The following ZNF415 variants were observed in gnomAD, a reference collection of about 807,000 sequenced individuals.
ZNF415 encodes zinc finger protein 415.
A neutral mutation model predicts 7.3 loss-of-function variants in ZNF415; 5 were observed. The ratio of observed to expected loss-of-function variants is 0.69; its 90% CI spans 0.36 to 1.44. The LOEUF is 1.44. Among genes scored for constraint, ZNF415 ranks in the 40% most tolerant of loss-of-function variants. The pLI is 0.04. For missense variants in ZNF415, 628 were observed against 664.8 expected (o/e 0.94, Z 0.61); for synonymous variants, 207 against 226.3 (o/e 0.91, Z 0.77).
At chr19:53,125,406 C>T (rs2088889394) in intron 1 of ZNF415, among the ~76,000 whole-genome samples, 1 of 151,400 alleles carries the variant, frequency 6.6e-6, no homozygotes, top group African/African-American at 2.4e-5. Context: ...GTGATGCTGG[C>T]TCAGTGCAGC....
At chr19:53,122,064 T>C (rs1048405527) in intron 2 of ZNF415, among the ~76,000 whole-genome samples, 1 of 151,504 alleles carries the variant, frequency 6.6e-6, no homozygotes, top group Non-Finnish European at 1.5e-5. Context: ...CTGACCAACA[T>C]AGAGAAACCC....
rs2085953396 is a variant in ZNF415, at chr19:53,109,728, T to C, written c.317A>G (p.Asn106Ser). 1.9e-6 allele frequency: 3 copies of C among 1,613,828 alleles called. No individual in the cohort carries two copies. The South Asian group carries it at 3.3e-5, about 18-fold the overall frequency. Residue 106 changes from asparagine (N) to serine (S), a missense_variant, in exon 4 of 4, where the codon AAT (asparagine) becomes AGT (serine). By Grantham distance (46) the Asn-to-Ser change is conservative. Transcript: ENST00000243643. ...TGGGGCCGTAGTCACTTTGTTGCAA[T>C]TTCTTTCATCATCTCTCCACTGACA... Reference protein sequence around the residue: ...FDCQWRDDERNCNKVTTAPKE... With the variant: ...FDCQWRDDERSCNKVTTAPKE...
Position 53,113,236 on chromosome 19 carries a change from C to T in ZNF415, c.136+3077G>A, listed in dbSNP as rs1395356973. ...TAAAAACCGAGGCATTGGCCGGGCG[C>T]GGTGGCTCACGCCTGTAATCCCAGC... On this transcript the variant is annotated intron_variant, in intron 3 of 3. Transcript: ENST00000243643. 9.1e-4 allele frequency among the ~76,000 whole-genome samples: 25 copies of T among 27,586 alleles called. 11 individuals are homozygous for T. Among genetic ancestry groups the T allele is most frequent in the Non-Finnish European group, 1.5e-3 (21 of 13,658 alleles). The allele number at this position is 27,586 out of a possible 152,430, so 18.1% of individuals were successfully genotyped here.
At chr19:53,116,611 CTCTTT>C (rs1180440546) in intron 2 of ZNF415, among the ~76,000 whole-genome samples, 178 bp from the exon 3 acceptor site, 24 of 131,338 alleles carry the variant, frequency 1.8e-4, no homozygotes, top group Admixed American at 3.7e-4. Context: ...TTTTTTTTCT[CTCTTT>C]TTTTTTTTTT....
At chr19:53,127,269 A>G (rs71363303) in intron 1 of ZNF415, among the ~76,000 whole-genome samples, 13,095 of 152,124 alleles carry the variant, frequency 0.086, 601 homozygotes, top group Middle Eastern at 0.17. Flanking sequence ...ACAAACTCCC[A>G]TGGGGTCTTG....
Position 53,108,928 on chromosome 19 carries a change from T to C in ZNF415, c.1117A>G (p.Thr373Ala), listed in dbSNP as rs1173334372. ...KVFSQTSSLA[T>A]HQRIHTGEKP... ...TCCCCAGTGTGAATTCTCTGATGAGTTGCAAGGCTTGAAGTCTGACTGAAC... is the reference window on the plus strand; with the variant it reads ...TCCCCAGTGTGAATTCTCTGATGAGCTGCAAGGCTTGAAGTCTGACTGAAC... The change falls in exon 4 of 4, where the codon ACT becomes GCT. Residue 373 changes from threonine to alanine, a missense_variant. Coordinates refer to ENST00000243643, the MANE Select transcript of ZNF415 (RefSeq NM_018355.4). 4 of 1,614,020 alleles carry C rather than the reference T, an allele frequency of 2.5e-6. No individual in the cohort carries two copies. Among genetic ancestry groups the C allele is most frequent in the East Asian group, 2.2e-5 (1 of 44,884 alleles).
In ZNF415 at chr19:53,109,889, TAC is replaced by T; in HGVS notation, c.154_155del (p.Val52AsnfsTer11). ...LVSLDLSRNC[V>X]IKELAPQQEG... ...CCTGTTGTGGTGCTAGTTCCTTGAT[TAC>T]ACAGTTACGAGACAGATCTATAAGA... On this transcript the variant is annotated frameshift_variant, in exon 4 of 4. Coordinates refer to ENST00000243643, the MANE Select transcript of ZNF415 (RefSeq NM_018355.4). LOFTEE classifies it low-confidence loss of function (END_TRUNC). 3 of 1,592,650 alleles carry T rather than the reference TAC, an allele frequency of 1.9e-6. No individual in the cohort carries two copies. The East Asian group carries it at 6.7e-5, about 36-fold the overall frequency.
chr19:53,129,987 C>T lies in ZNF415; in HGVS notation c.-68+2869G>A, dbSNP rs534660006. ...GGCTGAGGCAGGAGAATCGCTTGAA[C>T]CCGGGAGGCGGAGGTTGCAGTGAGC... On this transcript the variant is annotated intron_variant, in intron 1 of 3. Coordinates refer to ENST00000243643, the MANE Select transcript of ZNF415 (RefSeq NM_018355.4). 6.6e-5 allele frequency among the ~76,000 whole-genome samples: 10 copies of T among 151,646 alleles called. No individual in the cohort carries two copies. The South Asian group carries it at 1.0e-3, about 16-fold the overall frequency.
intron 3 of ZNF415, among the ~76,000 whole-genome samples, chr19:53,114,599 G>T (rs1033199608): frequency 6.6e-6 from 1 of 152,224 alleles, no homozygotes; most frequent in Non-Finnish European, 1.5e-5. Context: ...TATGAGGCTA[G>T]ATTTTGAAAG....
chr19:53,116,611 C>T (rs79479841), intron 2 of ZNF415, among the ~76,000 whole-genome samples, 178 bp from the exon 3 acceptor site: 2,574 of 131,014 alleles, frequency 0.02, 81 homozygotes, highest in African/African-American at 0.078. Flanking sequence ...TTTTTTTTCT[C>T]TCTTTTTTTT....
rs540150105 is a variant in ZNF415, at chr19:53,111,091, G to T, written c.137-1183C>A. ...GTATGCTAAGGTCCTATCCTCCAGTGTGATGTTGTTGCAGATGGCGCGTTT... is the reference window on the plus strand; with the variant it reads ...GTATGCTAAGGTCCTATCCTCCAGTTTGATGTTGTTGCAGATGGCGCGTTT... On this transcript the variant is annotated intron_variant, in intron 3 of 3. Coordinates refer to ENST00000243643, the MANE Select transcript of ZNF415 (RefSeq NM_018355.4). Among the ~76,000 whole-genome samples the T allele has an allele frequency of 1.9e-4, 29 of 152,306 alleles. 1 individual carries two copies. The highest frequency in any genetic ancestry group is 9.8e-4 in the Admixed American group (15 of 15,290).
At position 53,116,440 on chromosome 19, in the gene ZNF415, G is replaced by A. The variant is rs774324030; in HGVS notation, c.16-7C>T. On this transcript the variant is annotated splice_polypyrimidine_tract_variant and splice_region_variant and intron_variant, in intron 2 of 3. Coordinates refer to ENST00000243643, the MANE Select transcript of ZNF415 (RefSeq NM_018355.4). ...CCACGTCCCTGAATGTCAACTGTCC[G>A]TAAAATAATAAACACATTTCACCAA... 5.0e-6 allele frequency: 8 copies of A among 1,613,930 alleles called. No individual in the cohort carries two copies. The highest frequency in any genetic ancestry group is 4.5e-5 in the East Asian group (2 of 44,882).
chr19:53,123,054 G>A (rs2088401901), intron 1 of ZNF415, among the ~76,000 whole-genome samples: 1 of 152,146 alleles, frequency 6.6e-6, no homozygotes, highest in Non-Finnish European at 1.5e-5. Flanking sequence ...TGGATCCCAG[G>A]CTGGGCTCAG....
At position 53,131,925 on chromosome 19, in the gene ZNF415, C is replaced by A. The variant is rs938245686; in HGVS notation, c.-68+931G>T. ...GCTTCTCCTTGTCATCGGCTGCCCC[C>A]TCTTGCTGTCCCGGTACCACACTGC... is the stretch of plus-strand genomic sequence containing the variant. On this transcript the variant is annotated intron_variant, in intron 1 of 3. Transcript: ENST00000243643. Among the ~76,000 whole-genome samples the A allele has an allele frequency of 2.0e-5, 3 of 151,938 alleles. No individual in the cohort carries two copies. The South Asian group carries it at 6.2e-4, about 32-fold the overall frequency.
chr19:53,111,411 C>T (rs924205595), intron 3 of ZNF415, among the ~76,000 whole-genome samples: 8 of 145,750 alleles, frequency 5.5e-5, no homozygotes, highest in Middle Eastern at 3.6e-3. Context: ...GGCGCAATCT[C>T]GGCTAACTGC....
At chr19:53,110,078 T>TAA (rs5828534) in intron 3 of ZNF415, among the ~76,000 whole-genome samples, 170 bp from the exon 4 acceptor site, 7 of 151,764 alleles carry the variant, frequency 4.6e-5, no homozygotes, top group Admixed American at 1.3e-4. Context: ...CATTCTTTAG[T>TAA]AAAAAAAGGG....
Position 53,109,492 on chromosome 19 carries a change from T to C in ZNF415, c.553A>G (p.Ile185Val), listed in dbSNP as rs1133327. The change falls in exon 4 of 4, where the codon ATC (isoleucine) becomes GTC (valine). Residue 185 changes from isoleucine (I) to valine (V), a missense_variant. Ile to Val is a conservative substitution (Grantham distance 29). Transcript: ENST00000243643. ...VSPPQIISST[I>V]KTHVSNKYGT... is the part of the protein sequence containing the mutation. ...TATTTATTAGAAACATGGGTTTTGA[T>C]GGTAGAAGAAATTATTTGGGGTGGT... The C allele has an allele frequency of 0.5, 804,106 of 1,612,920 alleles. 203,157 individuals carry two copies. The highest frequency in any genetic ancestry group is 0.68 in the Admixed American group (40,901 of 59,968).
chr19:53,132,025 C>G (rs1009018760), intron 1 of ZNF415, among the ~76,000 whole-genome samples: 2 of 152,086 alleles, frequency 1.3e-5, no homozygotes, highest in African/African-American at 2.4e-5. Context: ...TTTGCTGCCC[C>G]TCTCCCTACC....
intron 1 of ZNF415, chr19:53,132,651 G>C (rs2090243608): frequency 6.6e-6 from 1 of 152,456 alleles, no homozygotes; most frequent in African/African-American, 2.4e-5. Flanking sequence ...TTTTAAGCGG[G>C]AGGAAGAAGC....
Sources: allele counts gnomAD v4.1 joint callset (sites outside exome capture counted in the v4.1 genomes callset), GRCh38; gene constraint gnomAD v4.1.1; transcripts MANE v1.5; gene names NCBI Gene and HGNC (gene_info 2026-07-23, HGNC 2026-07-21).